Variants in UGT1A6 observed in about 807,000 individuals in gnomAD.
UGT1A6 encodes UDP glucuronosyltransferase family 1 member A6, also known as UDP-glucuronosyltransferase 1A6.
In UGT1A6, 32 loss-of-function variants were observed where a neutral mutation model predicts 44.4. That is an observed-to-expected ratio of 0.72 (90% CI 0.54 to 0.97). The LOEUF (loss-of-function observed/expected upper bound fraction) is 0.97. UGT1A6 is among the 50% of genes least tolerant of loss of function. The pLI is 0.00. For missense variants in UGT1A6, 685 were observed against 661.9 expected (o/e 1.03, Z -0.38); for synonymous variants, 238 against 248.5 (o/e 0.96, Z 0.40).
intron 1 of UGT1A6, among the ~76,000 whole-genome samples, chr2:233,724,420 G>A (rs1396792043): frequency 4.4e-5 from 6 of 135,614 alleles, no homozygotes; most frequent in African/African-American, 1.4e-4. Flanking sequence ...GCTGCCGGGC[G>A]GAGAGGCTCC....
At position 233,767,727 on chromosome 2, in the gene UGT1A6, T is replaced by C. The variant is rs28946890; in HGVS notation, c.994-122T>C. The C allele has an allele frequency of 9.9e-4, 1,538 of 1,556,204 alleles. 17 individuals are homozygous for C. In the African/African-American group the frequency reaches 0.019, roughly 19 times the overall value. ...CCTCAGAAGCCTTCACAGTTACTGA[T>C]CCTCCCACTCTGTTAAAGACTGTTC... On this transcript the variant is annotated intron_variant, in intron 2 of 4. Coordinates refer to ENST00000305139, the MANE Select transcript of UGT1A6 (RefSeq NM_001072.4).
intron 1 of UGT1A6, 118 bp downstream of exon 1, chr2:233,693,983 G>A (rs1179737646): frequency 9.7e-6 from 15 of 1,552,110 alleles, no homozygotes; most frequent in African/African-American, 1.4e-5. Context: ...ACGGTGGGGG[G>A]AAGTGATACC....
At chr2:233,760,415 T>A (rs2125983730) in intron 1 of UGT1A6, 1 of 1,614,208 alleles carries the variant, frequency 6.2e-7, no homozygotes, top group Non-Finnish European at 8.5e-7. Flanking sequence ...TGGCTGAGCA[T>A]GCTTGGGGCC....
chr2:233,757,194 T>A (rs1696434308), intron 1 of UGT1A6, among the ~76,000 whole-genome samples: 1 of 150,834 alleles, frequency 6.6e-6, no homozygotes, highest in Non-Finnish European at 1.5e-5. Context: ...GACTCTGAAT[T>A]TTCTGTGCCC....
intron 1 of UGT1A6, among the ~76,000 whole-genome samples, chr2:233,700,626 G>C (rs1477114109): frequency 6.6e-6 from 1 of 152,038 alleles, no homozygotes; most frequent in African/African-American, 2.4e-5. Flanking sequence ...GTTCCAGTAA[G>C]ATTTAATGAC....
At chr2:233,712,198 C>T (rs1297266940) in intron 1 of UGT1A6, among the ~76,000 whole-genome samples, 1 of 152,186 alleles carries the variant, frequency 6.6e-6, no homozygotes, top group Non-Finnish European at 1.5e-5. Flanking sequence ...TCCCCCGGTC[C>T]CTTGGTGAGC....
rs28505045 is a variant in UGT1A6, at chr2:233,707,706, C to T, written c.861+13841C>T. On this transcript the variant is annotated intron_variant, in intron 1 of 4. Transcript: ENST00000305139. ...GGGCTTTGGGTTGTATCTAGCTTTT[C>T]ACTACTGTGAACAATGTTACAACGA... Among the ~76,000 whole-genome samples, 733 of 152,270 alleles carry T rather than the reference C, an allele frequency of 4.8e-3. 9 individuals are homozygous for T. The highest frequency in any genetic ancestry group is 0.017 in the African/African-American group (690 of 41,542).
intron 1 of UGT1A6, chr2:233,718,769 G>C: frequency 1.2e-6 from 2 of 1,612,822 alleles, no homozygotes; most frequent in African/African-American, 1.3e-5. Context: ...GGAAACAAAT[G>C]TAGCAGGCAC....
At chr2:233,763,911 C>G (rs1698426001) in intron 1 of UGT1A6, among the ~76,000 whole-genome samples, 2 of 152,076 alleles carry the variant, frequency 1.3e-5, no homozygotes, top group Admixed American at 1.3e-4. Context: ...TAGTGAGGAC[C>G]AAGGCTTCGA....
intron 1 of UGT1A6, among the ~76,000 whole-genome samples, chr2:233,749,973 G>A (rs1482988958): frequency 6.6e-6 from 1 of 151,850 alleles, no homozygotes; most frequent in Non-Finnish European, 1.5e-5. Flanking sequence ...CTTTATAGCA[G>A]TGTGAGAATG....
At chr2:233,693,959 G>T (rs1050258213) in intron 1 of UGT1A6, 94 bp downstream of exon 1, 2 of 1,582,394 alleles carry the variant, frequency 1.3e-6, no homozygotes, top group African/African-American at 2.7e-5. Context: ...TCCCTTGGAG[G>T]ATTTCCTGGA....
rs780046350 is a variant in UGT1A6, at chr2:233,693,232, A to C, written c.228A>C (p.Lys76Asn). 5.7e-5 allele frequency: 92 copies of C among 1,614,070 alleles called. No individual in the cohort carries two copies. In the South Asian group the frequency reaches 9.0e-4, roughly 16 times the overall value. Residue 76 changes from lysine (K) to asparagine (N), a missense_variant, in exon 1 of 5, where the codon AAA (lysine) becomes AAC (asparagine). Physicochemically the swap from Lys to Asn is moderately conservative, Grantham distance 94. Coordinates refer to ENST00000305139, the MANE Select transcript of UGT1A6 (RefSeq NM_001072.4). ...AAGAATCCAAATACTACACAAGAAA[A>C]ATCTATCCAGTGCCGTATGACCAAG... ...LLKESKYYTR[K>N]IYPVPYDQEE...
chr2:233,719,327 T>C, intron 1 of UGT1A6: 1 of 1,613,988 alleles, frequency 6.2e-7, no homozygotes, highest in Non-Finnish European at 8.5e-7. Flanking sequence ...CGATTCCTGC[T>C]GTGTTTTTTT....
At position 233,719,647 on chromosome 2, in the gene UGT1A6, T is replaced by C. The variant is rs201461954; in HGVS notation, c.861+25782T>C. 6.3e-5 allele frequency: 101 copies of C among 1,614,092 alleles called. No homozygotes were observed. Among genetic ancestry groups the C allele is most frequent in the East Asian group, 2.9e-4 (13 of 44,880 alleles). On this transcript the variant is annotated intron_variant, in intron 1 of 4. Coordinates refer to ENST00000305139, the MANE Select transcript of UGT1A6 (RefSeq NM_001072.4). ...CCGATCATGCCCAACATGGTCTTCATTGGGGGCATCAACTGTGCCAACGGG... is the reference window on the plus strand; with the variant it reads ...CCGATCATGCCCAACATGGTCTTCACTGGGGGCATCAACTGTGCCAACGGG...
intron 4 of UGT1A6, 75 bp from the exon 5 acceptor site, chr2:233,772,187 G>A: frequency 6.3e-7 from 1 of 1,594,510 alleles, no homozygotes; most frequent in South Asian, 1.1e-5. Flanking sequence ...GTCTTCTTAA[G>A]CAGCCATGAG....
intron 1 of UGT1A6, among the ~76,000 whole-genome samples, chr2:233,731,855 G>T (rs1025455629): frequency 1.3e-5 from 2 of 152,138 alleles, no homozygotes; most frequent in African/African-American, 4.8e-5. Flanking sequence ...TTGAGGAATC[G>T]CCACACTGTC....
intron 1 of UGT1A6, among the ~76,000 whole-genome samples, chr2:233,725,047 C>G (rs528406821): frequency 6.8e-6 from 1 of 147,932 alleles, no homozygotes; most frequent in Non-Finnish European, 1.5e-5. Context: ...ACCAGTCAGG[C>G]GTGGCGGCGC....
At chr2:233,760,913 G>A (rs747662045) in intron 1 of UGT1A6, 10 of 1,614,168 alleles carry the variant, frequency 6.2e-6, no homozygotes, top group South Asian at 4.4e-5. Flanking sequence ...TTCCTGCAGC[G>A]GGTGAAGAAC....
chr2:233,691,891 G>C (rs558208124), upstream of UGT1A6: 1 of 154,130 alleles, frequency 6.5e-6, no homozygotes, highest in South Asian at 2.1e-4. Context: ...TTGTTTCCTG[G>C]ACACAGCTCC....
Sources: allele counts gnomAD v4.1 joint callset (sites outside exome capture counted in the v4.1 genomes callset), GRCh38; gene constraint gnomAD v4.1.1; transcripts MANE v1.5; gene names NCBI Gene and HGNC (gene_info 2026-07-23, HGNC 2026-07-21).